The following RAD51B variants were observed in gnomAD, a reference collection of about 807,000 sequenced individuals.
The protein encoded by RAD51B is RAD51 paralog B, also known as DNA repair protein RAD51 homolog 2.
A neutral mutation model predicts 42.2 loss-of-function variants in RAD51B; 38 were observed. The observed-to-expected ratio is 0.90, with a 90% CI of 0.70 to 1.18. The LOEUF (loss-of-function observed/expected upper bound fraction) is 1.18, where lower values mean the gene tolerates loss of function less well. Among genes scored for constraint, RAD51B ranks in the 50% most tolerant of loss-of-function variants. The probability of loss-of-function intolerance (pLI) is 0.00; values close to 1 mark genes in which losing one functional copy is unlikely to be tolerated. For missense variants in RAD51B, 373 were observed against 400.7 expected (o/e 0.93, Z 0.59); for synonymous variants, 154 against 145.2 (o/e 1.06, Z -0.43).
At chr14:68,650,968 T>G in intron 11 of RAD51B, 1 of 606,706 alleles carries the variant, frequency 1.6e-6, no homozygotes. Flanking sequence ...CATAGCAATA[T>G]GAAGAGATAC....
chr14:68,269,817 C>A (rs2081069924), intron 7 of RAD51B, among the ~76,000 whole-genome samples: 1 of 152,180 alleles, frequency 6.6e-6, no homozygotes, highest in Admixed American at 6.5e-5. Flanking sequence ...TTACCTCTCT[C>A]CTGGCTTTTG....
At chr14:67,832,221 C>T (rs1030895234) in intron 3 of RAD51B, among the ~76,000 whole-genome samples, 1 of 152,162 alleles carries the variant, frequency 6.6e-6, no homozygotes. Flanking sequence ...AGTGATCCTC[C>T]TGCCTTAGCC....
At chr14:68,383,635 G>A (rs1259782949) in intron 8 of RAD51B, among the ~76,000 whole-genome samples, 11 of 150,332 alleles carry the variant, frequency 7.3e-5, no homozygotes, top group African/African-American at 2.7e-4. Flanking sequence ...ATTCCCAATA[G>A]CAGTGAATGA....
intron 10 of RAD51B, among the ~76,000 whole-genome samples, chr14:68,549,635 C>G (rs1018601609): frequency 6.6e-6 from 1 of 151,060 alleles, no homozygotes; most frequent in African/African-American, 2.4e-5. Flanking sequence ...AGGATGGTCT[C>G]GATCTCCTGA....
chr14:68,117,101 G>A (rs1425624305), intron 7 of RAD51B, among the ~76,000 whole-genome samples: 2 of 152,166 alleles, frequency 1.3e-5, no homozygotes, highest in Non-Finnish European at 2.9e-5. Flanking sequence ...TCTGTGACTT[G>A]CGCCTATATC....
At chr14:67,880,824 G>C (rs1215100006) in intron 5 of RAD51B, among the ~76,000 whole-genome samples, 1 of 152,020 alleles carries the variant, frequency 6.6e-6, no homozygotes, top group African/African-American at 2.4e-5. Context: ...TTTGTTTTAA[G>C]GTACATTTTA....
At chr14:68,584,848 A>C (rs1324575063) in intron 10 of RAD51B, among the ~76,000 whole-genome samples, 2 of 152,222 alleles carry the variant, frequency 1.3e-5, no homozygotes, top group African/African-American at 4.8e-5. Context: ...AAGAGATCTT[A>C]AAGACTACCT....
At chr14:68,550,919 T>C (rs905527673) in intron 10 of RAD51B, among the ~76,000 whole-genome samples, 1 of 151,844 alleles carries the variant, frequency 6.6e-6, no homozygotes, top group African/African-American at 2.4e-5. Flanking sequence ...CCATGAAGAG[T>C]AGTCAACAGA....
chr14:67,875,718 G>C (rs1347636230), intron 5 of RAD51B, among the ~76,000 whole-genome samples: 1 of 152,112 alleles, frequency 6.6e-6, no homozygotes, highest in Non-Finnish European at 1.5e-5. Flanking sequence ...ACATTTCTCA[G>C]TACATATCCC....
chr14:68,444,473 T>C (rs1277430433), intron 9 of RAD51B, among the ~76,000 whole-genome samples: 1 of 147,170 alleles, frequency 6.8e-6, no homozygotes, highest in Non-Finnish European at 1.5e-5. Flanking sequence ...TGTGTGTGTT[T>C]TGAGGTGAAA....
chr14:68,464,149 G>A (rs1318179428), intron 9 of RAD51B, among the ~76,000 whole-genome samples: 6 of 152,114 alleles, frequency 3.9e-5, no homozygotes, highest in Non-Finnish European at 8.8e-5. Flanking sequence ...ATTGAGATTT[G>A]TTTTGATATC....
At chr14:67,885,609 T>G (rs2043038940) in intron 5 of RAD51B, 1 of 241,450 alleles carries the variant, frequency 4.1e-6, no homozygotes, top group South Asian at 1.7e-4. Context: ...CCCAGAAAGA[T>G]AAATCTCAAG....
At chr14:67,994,472 G>GT (rs1405223400) in intron 7 of RAD51B, among the ~76,000 whole-genome samples, 1 of 152,128 alleles carries the variant, frequency 6.6e-6, no homozygotes, top group Non-Finnish European at 1.5e-5. Flanking sequence ...TATTAAGAGT[G>GT]TACCCTTTTA....
At chr14:68,416,914 A>G (rs190632699) in intron 9 of RAD51B, among the ~76,000 whole-genome samples, 1 of 152,276 alleles carries the variant, frequency 6.6e-6, no homozygotes. Flanking sequence ...GCTATCTTCT[A>G]CAAGTCTTAA....
chr14:68,094,049 G>A (rs1330194412), intron 7 of RAD51B, among the ~76,000 whole-genome samples: 1 of 152,178 alleles, frequency 6.6e-6, no homozygotes, highest in African/African-American at 2.4e-5. Context: ...ACTAATGGGT[G>A]TAAAGTGGTA....
intron 7 of RAD51B, among the ~76,000 whole-genome samples, chr14:68,026,666 C>T (rs2075961587): frequency 6.6e-6 from 1 of 151,828 alleles, no homozygotes; most frequent in African/African-American, 2.4e-5. Context: ...AATAGTAACT[C>T]CTGCTTGTTT....
intron 7 of RAD51B, among the ~76,000 whole-genome samples, chr14:67,910,194 G>C (rs1346903089): frequency 2.6e-5 from 4 of 151,956 alleles, no homozygotes. Flanking sequence ...TACGAATATA[G>C]CCAACATTAA....
chr14:68,270,725 T>G (rs1355033124), intron 7 of RAD51B, among the ~76,000 whole-genome samples: 1 of 152,180 alleles, frequency 6.6e-6, no homozygotes, highest in African/African-American at 2.4e-5. Flanking sequence ...AATATTTAGC[T>G]CTCTCTCTGT....
chr14:68,500,961 G>A (rs1884877059), intron 10 of RAD51B, among the ~76,000 whole-genome samples: 1 of 152,116 alleles, frequency 6.6e-6, no homozygotes, highest in Non-Finnish European at 1.5e-5. Context: ...CCTCTTATAG[G>A]GCTAAACCCA....
Sources: gnomAD v4.1 joint callset for allele counts (sites outside exome capture counted in the v4.1 genomes callset) on GRCh38, gnomAD v4.1.1 for gene constraint, MANE v1.5 for transcripts, NCBI Gene and HGNC (gene_info 2026-07-23, HGNC 2026-07-21) for gene names.